Variants in CAP2 observed in about 807,000 individuals in gnomAD.
The protein encoded by CAP2 is cyclase associated actin cytoskeleton regulatory protein 2.
Under a neutral mutation model 57.7 loss-of-function variants are expected in CAP2, and 24 were observed. That is an observed-to-expected ratio of 0.42 (90% CI 0.30 to 0.58). The LOEUF (loss-of-function observed/expected upper bound fraction) is 0.58, where lower values mean the gene tolerates loss of function less well. Among genes scored for constraint, CAP2 ranks in the 20% least tolerant of loss-of-function variants. The pLI is 0.22. For missense variants in CAP2, 501 were observed against 590.3 expected, an observed-to-expected ratio of 0.85 and a Z score of 1.57; for synonymous variants, 194 against 207.2, an observed-to-expected ratio of 0.94 and a Z score of 0.55.
At chr6:17,436,414 T>C (rs1310680415) in intron 3 of CAP2, among the ~76,000 whole-genome samples, 1 of 152,164 alleles carries the variant, frequency 6.6e-6, no homozygotes, top group Non-Finnish European at 1.5e-5. Flanking sequence ...ATTATAAGCA[T>C]GAGCCACCGC....
Position 17,412,563 on chromosome 6 carries a change from C to A in CAP2, c.-1-8992C>A, listed in dbSNP as rs576344605. ...CACTACATTAAGTTATGAGTCCTAG[C>A]CTTTTATCTTCAGACATTTCAACTT... On this transcript the variant is annotated intron_variant, in intron 1 of 12. Transcript: ENST00000229922. 3.9e-5 allele frequency among the ~76,000 whole-genome samples: 6 copies of A among 152,188 alleles called. No homozygotes were observed. The East Asian group carries it at 1.2e-3, about 29-fold the overall frequency.
At chr6:17,426,755 G>A (rs906954554) in intron 3 of CAP2, 65 bp downstream of exon 3, 125 of 1,026,010 alleles carry the variant, frequency 1.2e-4, no homozygotes, top group Admixed American at 2.4e-4. Flanking sequence ...CTCTGACAAC[G>A]CTAACAGCCT....
intron 3 of CAP2, among the ~76,000 whole-genome samples, chr6:17,440,321 A>G (rs984812237): frequency 6.6e-6 from 1 of 151,530 alleles, no homozygotes; most frequent in African/African-American, 2.4e-5. Flanking sequence ...GGTTGTTCGT[A>G]TATGTGAAAG....
intron 7 of CAP2, among the ~76,000 whole-genome samples, chr6:17,514,708 C>T (rs1762231181): frequency 6.6e-6 from 1 of 152,114 alleles, no homozygotes; most frequent in East Asian, 1.9e-4. Flanking sequence ...TAGATCGTGC[C>T]ACTGCACTCC....
chr6:17,541,341 G>T (rs1349766698), intron 9 of CAP2, among the ~76,000 whole-genome samples, 193 bp downstream of exon 9: 1 of 152,006 alleles, frequency 6.6e-6, no homozygotes, highest in Non-Finnish European at 1.5e-5. Context: ...GCACTTTGGG[G>T]GTTTGAGGTG....
Position 17,496,028 on chromosome 6 carries a change from G to T in CAP2, c.301-11141G>T, listed in dbSNP as rs1022610786. The stretch of plus-strand genomic sequence containing the variant: ...AACTGCTGTGCATGCGTGTGTGGGT[G>T]GGGGGGGGGGGTAAGTCAGGGAAAA... On this transcript the variant is annotated intron_variant, in intron 4 of 12. Coordinates refer to ENST00000229922, the MANE Select transcript of CAP2 (RefSeq NM_006366.3). Among the ~76,000 whole-genome samples the T allele has an allele frequency of 7.2e-4, 14 of 19,446 alleles. 1 individual carries two copies. Among genetic ancestry groups the T allele is most frequent in the Middle Eastern group, 0.017 (1 of 60 alleles). 12.8% of individuals were successfully genotyped at this position (19,446 alleles called of 152,430 possible).
intron 6 of CAP2, among the ~76,000 whole-genome samples, chr6:17,509,145 A>C (rs900071744): frequency 9.2e-5 from 14 of 152,172 alleles, no homozygotes; most frequent in Non-Finnish European, 2.1e-4. Context: ...TTTTATATGG[A>C]ATATAGAAAA....
intron 4 of CAP2, among the ~76,000 whole-genome samples, chr6:17,494,202 C>A (rs1020459514): frequency 7.2e-5 from 11 of 152,202 alleles, no homozygotes; most frequent in African/African-American, 2.7e-4. Context: ...AAGAAAACCA[C>A]ATCATGTTAT....
chr6:17,527,597 C>CTTTTTTTTTTTT (rs10668941), intron 7 of CAP2, among the ~76,000 whole-genome samples: 1 of 131,224 alleles, frequency 7.6e-6, no homozygotes, highest in Non-Finnish European at 1.6e-5. Flanking sequence ...TGTTCTCTTT[C>CTTTTTTTTTTTT]TTTTTTTTTT....
intron 1 of CAP2, among the ~76,000 whole-genome samples, chr6:17,410,707 G>A (rs377557303): frequency 2.4e-4 from 37 of 151,896 alleles, no homozygotes; most frequent in African/African-American, 8.4e-4. Flanking sequence ...ACAGGTGACC[G>A]CCACCACGCC....
At chr6:17,482,072 T>G (rs1761301009) in intron 4 of CAP2, among the ~76,000 whole-genome samples, 1 of 152,190 alleles carries the variant, frequency 6.6e-6, no homozygotes, top group South Asian at 2.1e-4. Flanking sequence ...TGTTCCTAAT[T>G]TTATACTCAT....
intron 7 of CAP2, among the ~76,000 whole-genome samples, chr6:17,533,098 A>AAAAAG (rs3076062): frequency 1.8e-4 from 24 of 134,620 alleles, no homozygotes; most frequent in African/African-American, 6.0e-4. Flanking sequence ...AAAAAAAAAA[A>AAAAAG]GAACTTGGAA....
chr6:17,537,491 C>T (rs973957406), intron 7 of CAP2, among the ~76,000 whole-genome samples: 1 of 151,548 alleles, frequency 6.6e-6, no homozygotes, highest in African/African-American at 2.4e-5. Context: ...CCACCATGCC[C>T]GAGCCAGCAT....
At chr6:17,528,516 A>G (rs1213429021) in intron 7 of CAP2, among the ~76,000 whole-genome samples, 1 of 152,190 alleles carries the variant, frequency 6.6e-6, no homozygotes, top group Non-Finnish European at 1.5e-5. Context: ...GGAATGACAT[A>G]CAGGGACCAC....
At position 17,543,132 on chromosome 6, in the gene CAP2, A is replaced by G; in HGVS notation, c.1198A>G (p.Ile400Val). 3.1e-6 allele frequency: 5 copies of G among 1,613,526 alleles called. No homozygotes were observed. The highest frequency in any genetic ancestry group is 4.2e-6 in the Non-Finnish European group (5 of 1,179,376). Reference protein sequence around the residue: ...GIVEVINSQDIQIQVMGRVPT... With the variant: ...GIVEVINSQDVQIQVMGRVPT... ...TGTGGAAGTGATCAACTCCCAGGACATTCAAATCCAGGTAAGCAGAGCCTT... is the reference window on the plus strand; with the variant it reads ...TGTGGAAGTGATCAACTCCCAGGACGTTCAAATCCAGGTAAGCAGAGCCTT... Residue 400 changes from isoleucine (I) to valine (V), a missense_variant, in exon 11 of 13, where the codon ATT becomes GTT. Coordinates refer to ENST00000229922, the MANE Select transcript of CAP2 (RefSeq NM_006366.3).
At chr6:17,432,067 A>G (rs1299470164) in intron 3 of CAP2, among the ~76,000 whole-genome samples, 1 of 152,104 alleles carries the variant, frequency 6.6e-6, no homozygotes, top group Admixed American at 6.6e-5. Flanking sequence ...GGAGGCCTCT[A>G]CCAGTCTGTG....
At chr6:17,444,037 A>G (rs1359890128) in intron 3 of CAP2, among the ~76,000 whole-genome samples, 1 of 152,204 alleles carries the variant, frequency 6.6e-6, no homozygotes, top group Non-Finnish European at 1.5e-5. Context: ...GAATGCTGAT[A>G]CTTGACTTTC....
chr6:17,521,888 C>T (rs1762400942), intron 7 of CAP2, among the ~76,000 whole-genome samples: 1 of 152,102 alleles, frequency 6.6e-6, no homozygotes. Context: ...GCGGGTAGAT[C>T]ACCTAAGGTC....
intron 7 of CAP2, among the ~76,000 whole-genome samples, chr6:17,532,608 C>T (rs547682390): frequency 4.6e-5 from 7 of 151,260 alleles, no homozygotes; most frequent in African/African-American, 9.7e-5. Flanking sequence ...ATTAGCCAGG[C>T]GTGGTGGCAG....
Sources: gnomAD v4.1 joint callset for allele counts (sites outside exome capture counted in the v4.1 genomes callset) on GRCh38, gnomAD v4.1.1 for gene constraint, MANE v1.5 for transcripts, NCBI Gene and HGNC (gene_info 2026-07-23, HGNC 2026-07-21) for gene names.